CADPS: variants seen among roughly 807,000 people sequenced by gnomAD.
CADPS encodes the protein calcium-dependent secretion activator 1.
A neutral mutation model predicts 167.3 loss-of-function variants in CADPS; 57 were observed. The ratio of observed to expected loss-of-function variants is 0.34; its 90% confidence interval spans 0.28 to 0.42. CADPS has a LOEUF of 0.42. CADPS is among the 20% of genes least tolerant of loss of function. The pLI is 1.00. For missense variants in CADPS, 1,414 were observed against 1,738.1 expected, an observed-to-expected ratio of 0.81 and a Z score of 3.32; for synonymous variants, 676 against 635.3, an observed-to-expected ratio of 1.06 and a Z score of -0.96.
intron 13 of CADPS, among the ~76,000 whole-genome samples, chr3:62,525,679 A>ATGTGTGTGTGTGTGTGTGTGTGTG (rs34729200): frequency 1.2e-4 from 18 of 148,912 alleles, no homozygotes; most frequent in African/African-American, 4.5e-4. Flanking sequence ...TAATGTCATT[A>ATGTGTGTGTGTGTGTGTGTGTGTG]TGTGTGTGTG....
At chr3:62,775,169 C>T (rs527775103) in intron 1 of CADPS, among the ~76,000 whole-genome samples, 1 of 152,026 alleles carries the variant, frequency 6.6e-6, no homozygotes, top group South Asian at 2.1e-4. Context: ...TCCCAAGTAG[C>T]TGGGATTACA....
intron 6 of CADPS, among the ~76,000 whole-genome samples, chr3:62,631,052 A>C (rs1173406332): frequency 2.0e-5 from 3 of 152,078 alleles, no homozygotes; most frequent in Admixed American, 6.6e-5. Context: ...GCTGAAATGA[A>C]AAGAGACTTC....
intron 9 of CADPS, among the ~76,000 whole-genome samples, chr3:62,567,597 T>A (rs1023674936): frequency 1.1e-3 from 114 of 101,526 alleles, no homozygotes; most frequent in Non-Finnish European, 1.7e-3. Context: ...TTTTTTTTTT[T>A]AGAGTCTCAC....
At chr3:62,622,313 C>T (rs980793461) in intron 6 of CADPS, among the ~76,000 whole-genome samples, 5 of 152,078 alleles carry the variant, frequency 3.3e-5, no homozygotes, top group East Asian at 1.9e-4. Context: ...CTACGATGTC[C>T]GGGGCTTGGT....
At chr3:62,706,338 C>G (rs2151678337) in intron 3 of CADPS, among the ~76,000 whole-genome samples, 1 of 152,192 alleles carries the variant, frequency 6.6e-6, no homozygotes, top group African/African-American at 2.4e-5. Context: ...GCCTTTGTCC[C>G]TATTAGCTTG....
chr3:62,734,855 A>ATG (rs2078674257), intron 3 of CADPS, among the ~76,000 whole-genome samples: 2 of 152,338 alleles, frequency 1.3e-5, no homozygotes, highest in African/African-American at 4.8e-5. Context: ...CCCCATAGCA[A>ATG]TGTAGAAAAC....
intron 6 of CADPS, among the ~76,000 whole-genome samples, chr3:62,622,143 A>G (rs2063294336): frequency 6.6e-6 from 1 of 152,064 alleles, no homozygotes; most frequent in Non-Finnish European, 1.5e-5. Context: ...TTTGGCCCGC[A>G]GCTGGTCTGT....
chr3:62,760,056 T>C (rs572773031), intron 2 of CADPS, among the ~76,000 whole-genome samples: 1 of 152,276 alleles, frequency 6.6e-6, no homozygotes, highest in African/African-American at 2.4e-5. Context: ...CCCTTTTCTT[T>C]TCTATGCCCT....
In CADPS at chr3:62,433,625, C is replaced by A. The variant is rs1336589597; in HGVS notation, c.3777+4479G>T. Reference sequence around the variant, plus strand: ...GAAAGCCAGTGCGGATGCGGCATTACTACCAATGTGGATTCCATCCAAGTT... The same window carrying A: ...GAAAGCCAGTGCGGATGCGGCATTAATACCAATGTGGATTCCATCCAAGTT... On this transcript the variant is annotated intron_variant, in intron 28 of 29. Coordinates refer to ENST00000383710, the MANE Select transcript of CADPS (RefSeq NM_003716.4). This position sits in a 1 kb window ranked among gnomAD's most constrained non-coding sequence, Gnocchi z 4.7. Among the ~76,000 whole-genome samples, 2 of 152,194 alleles carry A rather than the reference C, an allele frequency of 1.3e-5. No homozygotes were observed. Among genetic ancestry groups the A allele is most frequent in the Non-Finnish European group, 2.9e-5 (2 of 68,032 alleles).
At chr3:62,628,839 A>G (rs553957563) in intron 6 of CADPS, among the ~76,000 whole-genome samples, 26 of 151,966 alleles carry the variant, frequency 1.7e-4, no homozygotes, top group African/African-American at 5.8e-4. Context: ...GTTGGTCAGT[A>G]TTGTCTTGAT....
At chr3:62,454,103 G>A (rs1024608089) in intron 26 of CADPS, among the ~76,000 whole-genome samples, 14 of 152,092 alleles carry the variant, frequency 9.2e-5, no homozygotes, top group African/African-American at 2.9e-4. Context: ...AAGAGTTAAA[G>A]TTTGAGATGT....
chr3:62,707,385 G>A (rs1334722175), intron 3 of CADPS, among the ~76,000 whole-genome samples: 1 of 152,122 alleles, frequency 6.6e-6, no homozygotes, highest in South Asian at 2.1e-4. Context: ...TCCCAAAAAG[G>A]TTGGGGAGCA....
chr3:62,428,712 G>A (rs938747547), intron 28 of CADPS, among the ~76,000 whole-genome samples: 5 of 152,182 alleles, frequency 3.3e-5, no homozygotes, highest in Admixed American at 2.0e-4. Context: ...ATCCAGAGAG[G>A]AAGGGCTACC....
At chr3:62,784,198 A>G (rs2152685614) in intron 1 of CADPS, among the ~76,000 whole-genome samples, 1 of 152,352 alleles carries the variant, frequency 6.6e-6, no homozygotes, top group South Asian at 2.1e-4. Flanking sequence ...ATGTGTAAAA[A>G]TAATGGCTAC....
intron 3 of CADPS, among the ~76,000 whole-genome samples, chr3:62,666,874 G>A (rs2074518570): frequency 6.6e-6 from 1 of 152,166 alleles, no homozygotes; most frequent in Non-Finnish European, 1.5e-5. Flanking sequence ...GCAGGGTGGA[G>A]TTGCACCCTT....
intron 3 of CADPS, among the ~76,000 whole-genome samples, chr3:62,703,203 C>T (rs113824697): frequency 4.5e-4 from 69 of 152,230 alleles, no homozygotes; most frequent in Non-Finnish European, 6.3e-4. Context: ...CATGTGTGTA[C>T]GCCCTTCAAC....
intron 11 of CADPS, among the ~76,000 whole-genome samples, chr3:62,547,181 C>T (rs893095603): frequency 2.6e-5 from 4 of 152,102 alleles, no homozygotes; most frequent in African/African-American, 9.7e-5. Context: ...AGCTCTGTTG[C>T]AGGGATAATA....
chr3:62,599,246 CCTATT>C (rs1481767084), intron 6 of CADPS, among the ~76,000 whole-genome samples: 3 of 151,596 alleles, frequency 2.0e-5, no homozygotes, highest in African/African-American at 7.3e-5. Context: ...GTTAGGTGTC[CCTATT>C]CTGTGATCCC....
Position 62,753,755 on chromosome 3 carries a change from G to C in CADPS, c.574C>G (p.Arg192Gly). The stretch of plus-strand genomic sequence containing the variant: ...CCACTCTGAACCATGCGGGCCACAC[G>C]GTCGCTCTTCAGGAACACCTGAGCA... ...SYYEVFLKSDRVARMVQSGGC... is the reference protein window; with the variant it reads ...SYYEVFLKSDGVARMVQSGGC... The change falls in exon 3 of 30, where the codon CGT becomes GGT. Residue 192 changes from arginine (R) to glycine (G), a missense_variant. By Grantham distance (125) the Arg-to-Gly change is moderately radical. Around this residue, in one of 6 missense-constraint regions of CADPS, gnomAD observed 522 missense variants for 559.5 expected, o/e 0.93. Transcript: ENST00000383710. This position sits in a 1 kb window ranked among gnomAD's most constrained non-coding sequence, Gnocchi z 4.6. The C allele has an allele frequency of 3.7e-6, 6 of 1,612,862 alleles. No homozygotes were observed. The highest frequency in any genetic ancestry group is 1.1e-5 in the South Asian group (1 of 90,964).
Sources: gnomAD v4.1 joint callset for allele counts (sites outside exome capture counted in the v4.1 genomes callset) on GRCh38, gnomAD v4.1.1 for gene constraint, gnomAD v4.1.1 regional missense constraint, Gnocchi (gnomAD v3.1) non-coding constraint, MANE v1.5 for transcripts, NCBI Gene and HGNC (gene_info 2026-07-23, HGNC 2026-07-21) for gene names.